NRXN3: variants seen among roughly 807,000 people sequenced by gnomAD.
NRXN3 encodes the protein neurexin III.
In NRXN3, 32 loss-of-function variants were observed where a neutral mutation model predicts 137.6. The observed-to-expected ratio is 0.23, with a 90% confidence interval of 0.18 to 0.31. NRXN3 has a LOEUF of 0.31. Ranked by LOEUF, NRXN3 falls within the 10% of genes least tolerant of loss-of-function variation. The probability of loss-of-function intolerance (pLI) is 1.00; values close to 1 mark genes in which losing one functional copy is unlikely to be tolerated. For missense variants in NRXN3, 1,574 were observed against 2,062.5 expected, an observed-to-expected ratio of 0.76 and a Z score of 4.59; for synonymous variants, 798 against 784.5, an observed-to-expected ratio of 1.02 and a Z score of -0.29.
intron 6 of NRXN3, among the ~76,000 whole-genome samples, chr14:78,661,298 T>C (rs1463075778): frequency 6.6e-6 from 1 of 152,226 alleles, no homozygotes; most frequent in Non-Finnish European, 1.5e-5. Flanking sequence ...GTATTACCGA[T>C]GATTCAGAAA....
chr14:78,493,344 A>G (rs549911636), intron 4 of NRXN3, among the ~76,000 whole-genome samples: 1 of 145,304 alleles, frequency 6.9e-6, no homozygotes, highest in African/African-American at 2.5e-5. Context: ...TAACATGGTG[A>G]AACCCTGTCT....
intron 19 of NRXN3, among the ~76,000 whole-genome samples, chr14:79,742,704 A>AAAT (rs2098967048): frequency 6.6e-6 from 1 of 152,152 alleles, no homozygotes; most frequent in Non-Finnish European, 1.5e-5. Flanking sequence ...ACCTCTCCCT[A>AAAT]AATAGCCCAT....
At chr14:79,009,868 G>T (rs762395703) in intron 15 of NRXN3, among the ~76,000 whole-genome samples, 29 of 152,146 alleles carry the variant, frequency 1.9e-4, no homozygotes, top group Non-Finnish European at 2.9e-4. Context: ...GTAAAATAAA[G>T]GCTTCTTTTG....
rs375597534 is a variant in NRXN3 at position 78,723,109 on chromosome 14, T to C, written c.2044+7970T>C. Among the ~76,000 whole-genome samples the C allele has an allele frequency of 1.5e-3, 225 of 152,310 alleles. 9 individuals are homozygous for C. In the South Asian group the frequency reaches 0.045, roughly 30 times the overall value. On this transcript the variant is annotated intron_variant, in intron 8 of 20. Coordinates refer to ENST00000335750, the MANE Select transcript of NRXN3 (RefSeq NM_001330195.2). Reference sequence around the variant, plus strand: ...AGGGCCAGCCAGCCATGAAACACTTTGCTCTCCCAACAAGTTTAGGCATTA... The same window carrying C: ...AGGGCCAGCCAGCCATGAAACACTTCGCTCTCCCAACAAGTTTAGGCATTA...
At chr14:79,519,651 G>A (rs147975193) in intron 16 of NRXN3, among the ~76,000 whole-genome samples, 19 of 151,800 alleles carry the variant, frequency 1.3e-4, no homozygotes, top group South Asian at 8.3e-4. Context: ...TATTACATTC[G>A]ACCCAAGAAT....
rs185020118 is a variant in NRXN3, at chr14:79,647,653, G to A, written c.3445-16125G>A. Among the ~76,000 whole-genome samples, 9 of 135,542 alleles carry A rather than the reference G, an allele frequency of 6.6e-5. 1 individual carries two copies. In the East Asian group the frequency reaches 1.4e-3, roughly 21 times the overall value. 88.9% of individuals were successfully genotyped at this position (135,542 alleles called of 152,430 possible). On this transcript the variant is annotated intron_variant, in intron 16 of 20. Transcript: ENST00000335750. ...GAAAAGTGCATTAAAACCTCGAGCC[G>A]ACCCATCTCTCTGAAGCAGCAGTTG...
At chr14:78,757,409 T>TAAAAAAAGA (rs1555476302) in intron 8 of NRXN3, among the ~76,000 whole-genome samples, 1 of 138,582 alleles carries the variant, frequency 7.2e-6, no homozygotes, top group Non-Finnish European at 1.5e-5. Flanking sequence ...TTCCATCTCT[T>TAAAAAAAGA]AAAAAAAAAA....
chr14:78,827,741 A>T (rs2098971019), intron 10 of NRXN3, among the ~76,000 whole-genome samples: 1 of 152,190 alleles, frequency 6.6e-6, no homozygotes, highest in South Asian at 2.1e-4. Flanking sequence ...TGACATGCTG[A>T]GCTACTCAGC....
chr14:79,741,531 C>A lies in NRXN3; in HGVS notation c.4014+43594C>A, dbSNP rs956268839. Among the ~76,000 whole-genome samples the A allele has an allele frequency of 2.0e-5, 3 of 151,982 alleles. No individual in the cohort carries two copies. The East Asian group carries it at 5.8e-4, about 29-fold the overall frequency. Reference sequence around the variant, plus strand: ...AGACAGTCTTGCTCTGTCACCCAGGCTGGAGTGCAGTGGCATGATCTTGGC... The same window carrying A: ...AGACAGTCTTGCTCTGTCACCCAGGATGGAGTGCAGTGGCATGATCTTGGC... On this transcript the variant is annotated intron_variant, in intron 19 of 20. Transcript: ENST00000335750.
At chr14:79,765,151 A>G (rs2099051847) in intron 19 of NRXN3, among the ~76,000 whole-genome samples, 1 of 152,144 alleles carries the variant, frequency 6.6e-6, no homozygotes, top group Non-Finnish European at 1.5e-5. Context: ...TGGAACTTCC[A>G]TGTTTTGCCC....
intron 17 of NRXN3, among the ~76,000 whole-genome samples, chr14:79,665,367 A>G (rs1436861106): frequency 6.6e-6 from 1 of 152,164 alleles, no homozygotes. Context: ...AAATGCCCTT[A>G]TGAGGTTATC....
chr14:78,997,835 T>A (rs1013106360), intron 15 of NRXN3, among the ~76,000 whole-genome samples: 38 of 152,222 alleles, frequency 2.5e-4, no homozygotes, highest in African/African-American at 9.2e-4. Context: ...GCTGTTTGAA[T>A]TTGTATCAGC....
At chr14:78,988,436 G>A in intron 15 of NRXN3, 2 of 378,574 alleles carry the variant, frequency 5.3e-6, no homozygotes, top group Non-Finnish European at 5.0e-6. Flanking sequence ...CAATATTTTT[G>A]TTGTAAGGGC....
chr14:78,701,933 T>C (rs2098283720), intron 6 of NRXN3, among the ~76,000 whole-genome samples: 1 of 152,208 alleles, frequency 6.6e-6, no homozygotes, highest in South Asian at 2.1e-4. Context: ...GTGGCATCCA[T>C]GCGATGCAGC....
intron 20 of NRXN3, among the ~76,000 whole-genome samples, chr14:79,807,174 C>A (rs2099211212): frequency 6.6e-6 from 1 of 151,338 alleles, no homozygotes; most frequent in African/African-American, 2.4e-5. Flanking sequence ...CGGTTCTCAC[C>A]ATGTTGCTCA....
At chr14:78,495,523 A>G (rs932083425) in intron 4 of NRXN3, among the ~76,000 whole-genome samples, 1 of 152,176 alleles carries the variant, frequency 6.6e-6, no homozygotes, top group Non-Finnish European at 1.5e-5. Flanking sequence ...AATTTAAGTG[A>G]GTAACAGAAC....
At chr14:79,751,306 C>A (rs1431094659) in intron 19 of NRXN3, among the ~76,000 whole-genome samples, 1 of 152,130 alleles carries the variant, frequency 6.6e-6, no homozygotes, top group African/African-American at 2.4e-5. Flanking sequence ...AAGTTGGATT[C>A]CTAAGTATTT....
chr14:79,859,277 T>C (rs1426216420), intron 20 of NRXN3, among the ~76,000 whole-genome samples: 3 of 152,214 alleles, frequency 2.0e-5, no homozygotes, highest in Non-Finnish European at 2.9e-5. Flanking sequence ...ACTCAGTTTC[T>C]TTCTGCAGAA....
chr14:79,334,788 T>C (rs1487424955), intron 15 of NRXN3, among the ~76,000 whole-genome samples: 1 of 152,160 alleles, frequency 6.6e-6, no homozygotes, highest in Admixed American at 6.5e-5. Context: ...AGTGTTTGCT[T>C]CATAAATCAG....
Sources: allele counts gnomAD v4.1 joint callset (sites outside exome capture counted in the v4.1 genomes callset), GRCh38; gene constraint gnomAD v4.1.1; transcripts MANE v1.5; gene names NCBI Gene and HGNC (gene_info 2026-07-23, HGNC 2026-07-21).